Variants in CTNNA2 observed in about 807,000 individuals in gnomAD.
The protein encoded by CTNNA2 is catenin alpha 2, also known as catenin alpha-2.
Under a neutral mutation model 101.0 loss-of-function variants are expected in CTNNA2, and 42 were observed. That is an observed-to-expected ratio of 0.42 (90% CI 0.32 to 0.54). The LOEUF (loss-of-function observed/expected upper bound fraction) is 0.54, where lower values mean the gene tolerates loss of function less well. Ranked by LOEUF, CTNNA2 falls within the 20% of genes least tolerant of loss-of-function variation. CTNNA2 has a pLI of 0.14. For synonymous variants in CTNNA2, 450 were observed against 456.4 expected, an observed-to-expected ratio of 0.99 and a Z score of 0.18; for missense variants, 871 against 1,223.1, an observed-to-expected ratio of 0.71 and a Z score of 4.29.
intron 3 of CTNNA2, among the ~76,000 whole-genome samples, chr2:79,840,300 T>C (rs1194103033): frequency 1.3e-5 from 2 of 152,232 alleles, no homozygotes; most frequent in East Asian, 3.9e-4. Context: ...ACTGTACAGT[T>C]CTATTTTCTG....
At chr2:79,806,307 T>C (rs190552471) in intron 3 of CTNNA2, among the ~76,000 whole-genome samples, 2 of 152,222 alleles carry the variant, frequency 1.3e-5, no homozygotes, top group East Asian at 1.9e-4. Context: ...TTCAGGTAGA[T>C]GACTTGGGAG....
intron 7 of CTNNA2, among the ~76,000 whole-genome samples, chr2:80,201,764 A>G (rs1707229479): frequency 6.6e-6 from 1 of 152,136 alleles, no homozygotes; most frequent in Non-Finnish European, 1.5e-5. Context: ...TCTTGTAGTT[A>G]ATGTATATTC....
chr2:80,302,819 C>T lies in CTNNA2; in HGVS notation c.1057-90392C>T. On this transcript the variant is annotated intron_variant, in intron 7 of 18. Transcript: ENST00000402739. This position sits in a 1 kb window ranked among gnomAD's most constrained non-coding sequence, Gnocchi z 6.4. Reference sequence around the variant, plus strand: ...GCACTGCAAGTTGCCATCGTAGCGCCCCTGGAAGTTGTTGAGCCACGAGGC... The same window carrying T: ...GCACTGCAAGTTGCCATCGTAGCGCTCCTGGAAGTTGTTGAGCCACGAGGC... 2 of 1,613,992 alleles carry T rather than the reference C, an allele frequency of 1.2e-6. No homozygotes were observed. The highest frequency in any genetic ancestry group is 8.5e-7 in the Non-Finnish European group (1 of 1,180,024).
chr2:79,402,989 T>C (rs1290951165), intron 4 of CTNNA2, among the ~76,000 whole-genome samples: 1 of 151,818 alleles, frequency 6.6e-6, no homozygotes, highest in Admixed American at 6.6e-5. Flanking sequence ...AATTTATAGC[T>C]ATAAATGCCT....
intron 7 of CTNNA2, among the ~76,000 whole-genome samples, chr2:80,339,386 T>C (rs1351500254): frequency 6.6e-6 from 1 of 152,202 alleles, no homozygotes; most frequent in Admixed American, 6.5e-5. Flanking sequence ...AGATAGAATA[T>C]TTGATTTTTA....
At chr2:79,798,981 TGAAGAA>T (rs144543454) in intron 3 of CTNNA2, among the ~76,000 whole-genome samples, 106 of 152,310 alleles carry the variant, frequency 7.0e-4, no homozygotes, top group African/African-American at 2.3e-3. Flanking sequence ...GATTTATTGT[TGAAGAA>T]AAGAGGATAA....
intron 9 of CTNNA2, among the ~76,000 whole-genome samples, chr2:80,496,589 C>T (rs1370225149): frequency 1.3e-5 from 2 of 151,912 alleles, no homozygotes; most frequent in Non-Finnish European, 2.9e-5. Context: ...TGGATAAAAC[C>T]ATTTTTCTGG....
intron 7 of CTNNA2, among the ~76,000 whole-genome samples, chr2:80,199,615 A>C (rs969231089): frequency 6.6e-6 from 1 of 152,192 alleles, no homozygotes; most frequent in Non-Finnish European, 1.5e-5. Context: ...TTCAAAGGAG[A>C]AAGGCAGAGA....
chr2:80,586,655 C>G (rs1167016304), intron 14 of CTNNA2: 1 of 152,156 alleles, frequency 6.6e-6, no homozygotes, highest in Non-Finnish European at 1.5e-5. Context: ...TTACAATAAA[C>G]TCTTGTATAT....
chr2:79,580,062 G>A (rs918813777), intron 1 of CTNNA2, among the ~76,000 whole-genome samples: 3 of 152,198 alleles, frequency 2.0e-5, no homozygotes, highest in African/African-American at 7.2e-5. Context: ...TAGGGTCTGA[G>A]CTGGTCCTAT....
intron 1 of CTNNA2, among the ~76,000 whole-genome samples, chr2:79,582,041 T>C (rs1328239011): frequency 6.6e-6 from 1 of 152,232 alleles, no homozygotes; most frequent in Non-Finnish European, 1.5e-5. Context: ...CCATGTAGTC[T>C]AGACTATAAT....
At chr2:79,470,048 G>A (rs568369014) in intron 4 of CTNNA2, among the ~76,000 whole-genome samples, 13 of 152,244 alleles carry the variant, frequency 8.5e-5, no homozygotes, top group African/African-American at 2.4e-4. Context: ...GGCAGGAGAA[G>A]GAAATAAAGG....
chr2:79,669,627 C>A (rs1366612080), intron 2 of CTNNA2, among the ~76,000 whole-genome samples: 3 of 152,156 alleles, frequency 2.0e-5, no homozygotes, highest in Non-Finnish European at 4.4e-5. Context: ...TGACTGCAGG[C>A]AAGTCATTTG....
chr2:79,868,013 TTAAAC>T (rs1269671595), intron 4 of CTNNA2, among the ~76,000 whole-genome samples: 1 of 152,212 alleles, frequency 6.6e-6, no homozygotes, highest in African/African-American at 2.4e-5. Flanking sequence ...GAGATTCTCT[TTAAAC>T]TATAACAATG....
At chr2:80,318,638 G>A (rs1304694362) in intron 7 of CTNNA2, among the ~76,000 whole-genome samples, 2 of 152,134 alleles carry the variant, frequency 1.3e-5, no homozygotes, top group East Asian at 1.9e-4. Flanking sequence ...TGTTTCAAAG[G>A]CGTTTATTTT....
chr2:79,822,721 C>T (rs1678107758), intron 3 of CTNNA2, among the ~76,000 whole-genome samples: 1 of 152,100 alleles, frequency 6.6e-6, no homozygotes, highest in Non-Finnish European at 1.5e-5. Flanking sequence ...CCGCTAGTGG[C>T]CTTTTCTCTA....
At chr2:79,266,590 A>C (rs568782501) in intron 2 of CTNNA2, among the ~76,000 whole-genome samples, 2 of 152,118 alleles carry the variant, frequency 1.3e-5, no homozygotes, top group African/African-American at 2.4e-5. Flanking sequence ...TCAGAATGCT[A>C]TCTTGAAATG....
intron 7 of CTNNA2, chr2:80,163,148 G>C: frequency 6.5e-7 from 1 of 1,549,212 alleles, no homozygotes. Context: ...TACTGGCCCA[G>C]CCTGGTGGAA....
At chr2:79,879,816 A>T (rs1683290970) in intron 6 of CTNNA2, among the ~76,000 whole-genome samples, 1 of 151,946 alleles carries the variant, frequency 6.6e-6, no homozygotes, top group Admixed American at 6.6e-5. Context: ...TTATTTCTTT[A>T]TCTTACCTGA....
Sources: gnomAD v4.1 joint callset for allele counts (sites outside exome capture counted in the v4.1 genomes callset) on GRCh38, gnomAD v4.1.1 for gene constraint, Gnocchi (gnomAD v3.1) non-coding constraint, MANE v1.5 for transcripts, NCBI Gene and HGNC (gene_info 2026-07-23, HGNC 2026-07-21) for gene names.